The following ATP1A1 variants were observed in gnomAD, a reference collection of about 807,000 sequenced individuals.
The protein encoded by ATP1A1 is ATPase Na+/K+ transporting subunit alpha 1.
Under a neutral mutation model 114.8 loss-of-function variants are expected in ATP1A1, and 14 were observed. That is an observed-to-expected ratio of 0.12 (90% confidence interval 0.08 to 0.19). The LOEUF is 0.19. ATP1A1 is among the 10% of genes least tolerant of loss of function. The probability of loss-of-function intolerance (pLI) is 1.00; values close to 1 mark genes in which losing one functional copy is unlikely to be tolerated. For missense variants in ATP1A1, 524 were observed against 1,290.7 expected (o/e 0.41, Z 9.10); for synonymous variants, 471 against 466.3 (o/e 1.01, Z -0.13).
In ATP1A1 at chr1:116,387,602, A is replaced by G. The variant is rs1459115876; in HGVS notation, c.387+111A>G. On this transcript the variant is annotated intron_variant, in intron 4 of 22. Transcript: ENST00000295598. This position sits in a 1 kb window ranked among gnomAD's most constrained non-coding sequence, Gnocchi z 6.7. Reference sequence around the variant, plus strand: ...CTCATTACTTAATGGTTATGAACTCATTACTTAATGGTTATGAACAGCTGT... The same window carrying G: ...CTCATTACTTAATGGTTATGAACTCGTTACTTAATGGTTATGAACAGCTGT... 8 of 1,203,166 alleles carry G rather than the reference A, an allele frequency of 6.6e-6. No individual in the cohort carries two copies. In the South Asian group the frequency reaches 1.0e-4, roughly 15 times the overall value. The allele number at this position is 1,203,166 out of a possible 1,614,324, so 74.5% of individuals were successfully genotyped here.
intron 1 of ATP1A1, chr1:116,382,398 T>C (rs1651807789): frequency 6.6e-6 from 1 of 152,216 alleles, no homozygotes; most frequent in Admixed American, 6.5e-5. Flanking sequence ...ATTTTTCATT[T>C]AAACTCTGGC....
Position 116,385,094 on chromosome 1 carries a change from A to T in ATP1A1, c.183+252A>T. On this transcript the variant is annotated intron_variant, in intron 3 of 22. Transcript: ENST00000295598. This position sits in a 1 kb window ranked among gnomAD's most constrained non-coding sequence, Gnocchi z 4.3. ...CAGTTGAGAGCCAGTAAGTGGGAAC[A>T]CCAGGACTTGCAGTTGGCTTCAAAG... 6.9e-6 allele frequency: 3 copies of T among 434,520 alleles called. No individual in the cohort carries two copies. Among genetic ancestry groups the T allele is most frequent in the Non-Finnish European group, 1.2e-5 (3 of 244,490 alleles). 26.9% of individuals were successfully genotyped at this position (434,520 alleles called of 1,614,324 possible). A position where few individuals can be genotyped will look rare whatever the true frequency, so the allele number is the denominator to read the frequency against.
rs769974823 is a variant in ATP1A1, at chr1:116,399,375, T to C, written c.2449-45T>C. On this transcript the variant is annotated intron_variant, in intron 17 of 22. Coordinates refer to ENST00000295598, the MANE Select transcript of ATP1A1 (RefSeq NM_000701.8). The surrounding 1 kb of genome is among the most constrained non-coding windows in gnomAD (Gnocchi z 5.0). The stretch of plus-strand genomic sequence containing the variant: ...TAACAAAAGGTTCACAATATTAGCT[T>C]CCTTATTTTTAGTAACTAAATTCCT... 1 of 1,596,768 alleles carries C rather than the reference T, an allele frequency of 6.3e-7. No individual in the cohort carries two copies. Among genetic ancestry groups the C allele is most frequent in the Admixed American group, 1.8e-5 (1 of 56,092 alleles).
chr1:116,375,789 A>G (rs986876484), intron 1 of ATP1A1, among the ~76,000 whole-genome samples: 1 of 152,190 alleles, frequency 6.6e-6, no homozygotes, highest in African/African-American at 2.4e-5. Flanking sequence ...CCCTGCTGAT[A>G]ATTGGCTAAC....
rs202066011 is a variant in ATP1A1 at position 116,396,721 on chromosome 1, C to G, written c.1960C>G (p.Gln654Glu). The part of the protein sequence containing the change: ...IAARLNIPVS[Q>E]VNPRDAKACV... ...TGCCCGCCTCAACATCCCAGTCAGC[C>G]AGGTGAACCCCAGGTAAGGCAGGAA... Residue 654 changes from glutamine (Q) to glutamate (E), a missense_variant, in exon 14 of 23, where the codon CAG becomes GAG. Physicochemically the swap from Gln to Glu is conservative, Grantham distance 29. Transcript: ENST00000295598. 6.3e-7 allele frequency: 1 copy of G among 1,585,294 alleles called. No individual in the cohort carries two copies. Among genetic ancestry groups the G allele is most frequent in the East Asian group, 2.3e-5 (1 of 43,866 alleles).
chr1:116,379,046 C>T lies in ATP1A1; in HGVS notation c.13-4968C>T, dbSNP rs190366322. On this transcript the variant is annotated intron_variant, in intron 1 of 22. Coordinates refer to ENST00000295598, the MANE Select transcript of ATP1A1 (RefSeq NM_000701.8). ...ATCTAAAGTGCACTGATTCTTTACA[C>T]CTTTTAGAATTTTTATTTTTTGAAT... is the stretch of plus-strand genomic sequence containing the variant. 1.2e-4 allele frequency among the ~76,000 whole-genome samples: 18 copies of T among 152,238 alleles called. No homozygotes were observed. In the East Asian group the frequency reaches 2.7e-3, roughly 23 times the overall value.
At position 116,398,160 on chromosome 1, in the gene ATP1A1, A is replaced by G. The variant is rs1653096716; in HGVS notation, c.2124+122A>G. On this transcript the variant is annotated intron_variant, in intron 15 of 22. Coordinates refer to ENST00000295598, the MANE Select transcript of ATP1A1 (RefSeq NM_000701.8). The surrounding 1 kb of genome is among the most constrained non-coding windows in gnomAD (Gnocchi z 6.1). The stretch of plus-strand genomic sequence containing the variant: ...CCTCGCTGTATTAGACTCAGTATAA[A>G]TAGGCCAGTAGGAAGCTCATAGGCA... 1 of 1,351,972 alleles carries G rather than the reference A, an allele frequency of 7.4e-7. No homozygotes were observed. The highest frequency in any genetic ancestry group is 2.4e-5 in the East Asian group (1 of 41,578). The allele number at this position is 1,351,972 out of a possible 1,614,324, so 83.7% of individuals were successfully genotyped here.
intron 1 of ATP1A1, among the ~76,000 whole-genome samples, chr1:116,379,196 A>T (rs926841634): frequency 6.6e-6 from 1 of 152,178 alleles, no homozygotes; most frequent in African/African-American, 2.4e-5. Flanking sequence ...GCTGGCTAGA[A>T]CTGTCGCTGT....
rs781505918 is a variant in ATP1A1, at chr1:116,384,915, A to C, written c.183+73A>C. On this transcript the variant is annotated intron_variant, in intron 3 of 22. Coordinates refer to ENST00000295598, the MANE Select transcript of ATP1A1 (RefSeq NM_000701.8). This position sits in a 1 kb window ranked among gnomAD's most constrained non-coding sequence, Gnocchi z 5.1. ...TTATATTTTCCCCTGTATTACATAC[A>C]GGTCTAACCTCAGGGGCTCTAGTAA... The C allele has an allele frequency of 2.8e-6, 4 of 1,430,438 alleles. No individual in the cohort carries two copies. Among genetic ancestry groups the C allele is most frequent in the Non-Finnish European group, 3.0e-6 (3 of 1,015,130 alleles). The allele number at this position is 1,430,438 out of a possible 1,614,324, so 88.6% of individuals were successfully genotyped here.
chr1:116,390,129 T>G (rs1485237759), intron 8 of ATP1A1, 84 bp from the exon 9 acceptor site: 2 of 1,353,846 alleles, frequency 1.5e-6, no homozygotes, highest in Non-Finnish European at 2.1e-6. Context: ...TTAGACAAAT[T>G]TCTTCCACAT....
At chr1:116,377,593 T>C (rs549510679) in intron 1 of ATP1A1, among the ~76,000 whole-genome samples, 4 of 152,374 alleles carry the variant, frequency 2.6e-5, no homozygotes, top group Admixed American at 2.0e-4. Flanking sequence ...TGAAGGACTT[T>C]GTTCGCGGTT....
intron 1 of ATP1A1, among the ~76,000 whole-genome samples, chr1:116,380,209 T>C (rs1216112566): frequency 1.3e-5 from 2 of 152,240 alleles, no homozygotes; most frequent in Non-Finnish European, 2.9e-5. Flanking sequence ...AAAGGTCATG[T>C]AGCCAGCATG....
rs76865828 is a variant in ATP1A1 at position 116,398,511 on chromosome 1, T to C, written c.2125-110T>C. On this transcript the variant is annotated intron_variant, in intron 15 of 22. Coordinates refer to ENST00000295598, the MANE Select transcript of ATP1A1 (RefSeq NM_000701.8). This position sits in a 1 kb window ranked among gnomAD's most constrained non-coding sequence, Gnocchi z 6.1. ...TCTCAGGCTTCATAAATAGTCTCAA[T>C]AGGAAAGGAGCAGTGTCTGTAATGA... 8 of 1,351,740 alleles carry C rather than the reference T, an allele frequency of 5.9e-6. No homozygotes were observed. In the South Asian group the frequency reaches 7.0e-5, roughly 12 times the overall value. The allele number at this position is 1,351,740 out of a possible 1,614,324, so 83.7% of individuals were successfully genotyped here. A position where few individuals can be genotyped will look rare whatever the true frequency, so the allele number is the denominator to read the frequency against.
At position 116,398,055 on chromosome 1, in the gene ATP1A1, A is replaced by G. The variant is rs1248629737; in HGVS notation, c.2124+17A>G. 9 of 1,613,220 alleles carry G rather than the reference A, an allele frequency of 5.6e-6. No homozygotes were observed. The highest frequency in any genetic ancestry group is 7.6e-6 in the Non-Finnish European group (9 of 1,179,598). ...CAAAGACAGGTCAGCCAGCACAAGGATCAGGCTGCTTTGGGCACTATTGGC... is the reference window on the plus strand; with the variant it reads ...CAAAGACAGGTCAGCCAGCACAAGGGTCAGGCTGCTTTGGGCACTATTGGC... On this transcript the variant is annotated intron_variant, in intron 15 of 22. Transcript: ENST00000295598. The surrounding 1 kb of genome is among the most constrained non-coding windows in gnomAD (Gnocchi z 6.1).
At position 116,388,154 on chromosome 1, in the gene ATP1A1, A is replaced by G; in HGVS notation, c.411A>G (p.Ser137=). ...NDNLYLGVVL[S]AVVIITGCFS... is the part of the protein sequence containing the mutation. ...AGCTGTACCTGGGTGTGGTGCTATC[A>G]GCCGTTGTAATCATAACTGGTTGCT... is the stretch of plus-strand genomic sequence containing the variant. The change falls in exon 5 of 23, where the codon TCA becomes TCG. Residue 137 remains serine, a synonymous_variant. Transcript: ENST00000295598. The surrounding 1 kb of genome is among the most constrained non-coding windows in gnomAD (Gnocchi z 5.6). The G allele has an allele frequency of 6.2e-7, 1 of 1,614,014 alleles. No homozygotes were observed. Among genetic ancestry groups the G allele is most frequent in the South Asian group, 1.1e-5 (1 of 91,066 alleles).
In ATP1A1 at chr1:116,404,480, A is replaced by G. The variant is rs776713700; in HGVS notation, c.*36A>G. 1.3e-6 allele frequency: 2 copies of G among 1,597,294 alleles called. No homozygotes were observed. The highest frequency in any genetic ancestry group is 8.5e-7 in the Non-Finnish European group (1 of 1,174,710). On this transcript the variant is annotated 3_prime_UTR_variant, in exon 23 of 23. Transcript: ENST00000295598. This position sits in a 1 kb window ranked among gnomAD's most constrained non-coding sequence, Gnocchi z 4.8. ...TGCACGCCGTGGAGCATCAGGCCAC[A>G]CACTCTGCATCCGACACCCACCCCC... is the stretch of plus-strand genomic sequence containing the variant.
intron 1 of ATP1A1, among the ~76,000 whole-genome samples, 190 bp downstream of exon 1, chr1:116,373,713 G>T (rs992994819): frequency 6.6e-6 from 1 of 150,808 alleles, no homozygotes; most frequent in East Asian, 2.0e-4. Context: ...GTAACGGGGG[G>T]CGGGGGAAGG....
Position 116,401,904 on chromosome 1 carries a change from A to G in ATP1A1, c.2951+249A>G, listed in dbSNP as rs1653511993. The G allele has an allele frequency of 7.5e-6, 4 of 534,348 alleles. No homozygotes were observed. In the Admixed American group the frequency reaches 1.4e-4, roughly 18 times the overall value. The allele number at this position is 534,348 out of a possible 1,614,324, so 33.1% of individuals were successfully genotyped here. On this transcript the variant is annotated intron_variant, in intron 21 of 22. Coordinates refer to ENST00000295598, the MANE Select transcript of ATP1A1 (RefSeq NM_000701.8). This position sits in a 1 kb window ranked among gnomAD's most constrained non-coding sequence, Gnocchi z 4.7. ...ATAAAGCCACACAGGCTCTAGCTCCATGGAACTGCTCAACAGCGAACTGCA... is the reference window on the plus strand; with the variant it reads ...ATAAAGCCACACAGGCTCTAGCTCCGTGGAACTGCTCAACAGCGAACTGCA...
At position 116,397,767 on chromosome 1, in the gene ATP1A1, GA is replaced by G; in HGVS notation, c.1974-117del. ...CACTTAATAGCTTTTATGTGCTGGG[GA>G]AAATTCCTTCTTTGTTTTGTTTACA... On this transcript the variant is annotated intron_variant, in intron 14 of 22. Transcript: ENST00000295598. This position sits in a 1 kb window ranked among gnomAD's most constrained non-coding sequence, Gnocchi z 4.2. 7.9e-7 allele frequency: 1 copy of G among 1,273,016 alleles called. No individual in the cohort carries two copies. The highest frequency in any genetic ancestry group is 1.1e-6 in the Non-Finnish European group (1 of 927,516). The allele number at this position is 1,273,016 out of a possible 1,614,324, so 78.9% of individuals were successfully genotyped here.
Sources: gnomAD v4.1 joint callset for allele counts (sites outside exome capture counted in the v4.1 genomes callset) on GRCh38, gnomAD v4.1.1 for gene constraint, Gnocchi (gnomAD v3.1) non-coding constraint, MANE v1.5 for transcripts, NCBI Gene and HGNC (gene_info 2026-07-23, HGNC 2026-07-21) for gene names.